FAM107A: variants seen among roughly 807,000 people sequenced by gnomAD.
FAM107A encodes the protein family with sequence similarity 107 member A.
In FAM107A, 19 loss-of-function variants were observed where a neutral mutation model predicts 13.7. That is an observed-to-expected ratio of 1.38 (90% CI 0.97 to 2.03). The LOEUF is 2.03. FAM107A is among the 30% of genes most tolerant of loss of function. FAM107A has a pLI of 0.00. For synonymous variants in FAM107A, 82 were observed against 74.5 expected (o/e 1.10, Z -0.52); for missense variants, 203 against 184.4 (o/e 1.10, Z -0.58).
upstream of FAM107A, among the ~76,000 whole-genome samples, chr3:58,578,138 C>T (rs1373155884): frequency 6.6e-6 from 1 of 152,312 alleles, no homozygotes; most frequent in East Asian, 1.9e-4. Context: ...ATAGTCAAAG[C>T]TCAGCATATA....
intron 1 of FAM107A, among the ~76,000 whole-genome samples, chr3:58,610,629 C>A (rs1228451548): frequency 6.6e-6 from 1 of 152,204 alleles, no homozygotes; most frequent in African/African-American, 2.4e-5. Flanking sequence ...AAGCTGCTTG[C>A]ATAGGTGGTG....
chr3:58,569,718 T>C lies in FAM107A; in HGVS notation c.143A>G (p.His48Arg). Reference sequence around the variant, plus strand: ...TCTGTGGTTCATGAGCAGCTCCCGGTGGAGCTCCTGGTGACTCCGAGAGGC... The same window carrying C: ...TCTGTGGTTCATGAGCAGCTCCCGGCGGAGCTCCTGGTGACTCCGAGAGGC... The part of the protein sequence containing the change: ...VKASRSHQEL[H>R]RELLMNHRRG... Residue 48 changes from histidine to arginine, a missense_variant, in exon 2 of 4, where the codon CAC (histidine) becomes CGC (arginine). Physicochemically the swap from His to Arg is conservative, Grantham distance 29. Transcript: ENST00000360997. This position sits in a 1 kb window ranked among gnomAD's most constrained non-coding sequence, Gnocchi z 5.7. 1 of 1,613,768 alleles carries C rather than the reference T, an allele frequency of 6.2e-7. No individual in the cohort carries two copies. Among genetic ancestry groups the C allele is most frequent in the Non-Finnish European group, 8.5e-7 (1 of 1,179,788 alleles).
intron 1 of FAM107A, among the ~76,000 whole-genome samples, chr3:58,616,836 C>T (rs1051534993): frequency 2.6e-5 from 4 of 152,058 alleles, no homozygotes; most frequent in Non-Finnish European, 4.4e-5. Flanking sequence ...TGCAGTGGCA[C>T]GATCTCGGCT....
At position 58,567,300 on chromosome 3, in the gene FAM107A, G is replaced by C. The variant is rs922101532; in HGVS notation, c.235C>G (p.Leu79Val). Residue 79 changes from leucine (L) to valine (V), a missense_variant, in exon 3 of 4, where the codon CTC (leucine) becomes GTC (valine). Physicochemically the swap from Leu to Val is conservative, Grantham distance 32. Transcript: ENST00000360997. The part of the protein sequence containing the change: ...RVLEHRRRNQ[L>V]IKKKKEELEA... ...AGCTCCTCCTTCTTCTTCTTGATGA[G>C]CTGGTTCCGCCGGCGGTGCTCTAGG... 3 of 1,613,286 alleles carry C rather than the reference G, an allele frequency of 1.9e-6. No homozygotes were observed. Among genetic ancestry groups the C allele is most frequent in the Non-Finnish European group, 2.5e-6 (3 of 1,179,810 alleles).
intron 1 of FAM107A, among the ~76,000 whole-genome samples, chr3:58,576,332 G>A (rs1189719779): frequency 6.6e-6 from 1 of 152,240 alleles, no homozygotes; most frequent in African/African-American, 2.4e-5. Context: ...CAATTAAATA[G>A]CAGAGTCCAG....
At chr3:58,567,446 C>G in intron 2 of FAM107A, 82 bp from the exon 3 acceptor site, 1 of 1,423,952 alleles carries the variant, frequency 7.0e-7, no homozygotes, top group Non-Finnish European at 9.5e-7. Flanking sequence ...TGCGGTGACA[C>G]CAACCCCCAT....
At chr3:58,618,197 A>C (rs1284246351) in intron 1 of FAM107A, among the ~76,000 whole-genome samples, 1 of 152,208 alleles carries the variant, frequency 6.6e-6, no homozygotes, top group Admixed American at 6.5e-5. Context: ...AGGTTTCTGT[A>C]AGGCCTTGGC....
At chr3:58,627,099 AGG>A in intron 1 of FAM107A, 3 of 1,136,802 alleles carry the variant, frequency 2.6e-6, no homozygotes, top group Non-Finnish European at 3.8e-6. Context: ...TCCCGGGGCG[AGG>A]GCCCCCTGTC....
chr3:58,582,468 C>A (rs1241125753), upstream of FAM107A, among the ~76,000 whole-genome samples: 1 of 52,416 alleles, frequency 1.9e-5, no homozygotes, highest in African/African-American at 4.8e-5. Context: ...AGGTAGGATG[C>A]AGGTTAACGC....
intron 1 of FAM107A, among the ~76,000 whole-genome samples, chr3:58,605,288 C>T (rs1412516979): frequency 6.6e-6 from 1 of 152,220 alleles, no homozygotes; most frequent in African/African-American, 2.4e-5. Flanking sequence ...TGGTAAGTCT[C>T]AGATAGTCTG....
upstream of FAM107A, among the ~76,000 whole-genome samples, chr3:58,582,153 C>T (rs2065555514): frequency 6.6e-6 from 1 of 152,236 alleles, no homozygotes; most frequent in African/African-American, 2.4e-5. Flanking sequence ...AAATGTCACA[C>T]ATCGAAGTTA....
chr3:58,626,077 G>A (rs34708080), intron 1 of FAM107A, among the ~76,000 whole-genome samples: 6 of 152,164 alleles, frequency 3.9e-5, no homozygotes, highest in African/African-American at 1.2e-4. Context: ...CGCCACGGTA[G>A]GTGGGTGGTG....
At chr3:58,603,101 T>C (rs1001308090) in intron 1 of FAM107A, among the ~76,000 whole-genome samples, 3 of 152,234 alleles carry the variant, frequency 2.0e-5, no homozygotes, top group African/African-American at 7.2e-5. Flanking sequence ...GTTTTATAAT[T>C]AGAGAAATGC....
chr3:58,583,660 C>A (rs940851949), intron 1 of FAM107A, among the ~76,000 whole-genome samples: 8 of 151,780 alleles, frequency 5.3e-5, no homozygotes, highest in South Asian at 2.1e-4. Context: ...TTGGGATAAA[C>A]GTTTTTCTTT....
chr3:58,578,975 T>C (rs911797893), upstream of FAM107A, among the ~76,000 whole-genome samples: 2 of 152,212 alleles, frequency 1.3e-5, no homozygotes, highest in African/African-American at 4.8e-5. Context: ...GGGGGTACCA[T>C]GTGAATGACA....
chr3:58,624,235 C>T (rs1225524518), intron 1 of FAM107A, among the ~76,000 whole-genome samples: 1 of 152,180 alleles, frequency 6.6e-6, no homozygotes, highest in Non-Finnish European at 1.5e-5. Context: ...TGGAATGTTC[C>T]AAACAGTGTT....
chr3:58,580,330 C>T (rs1444189), upstream of FAM107A, among the ~76,000 whole-genome samples: 111,889 of 150,066 alleles, frequency 0.75, 43,061 homozygotes, highest in East Asian at 1. Flanking sequence ...ATCTCAAATA[C>T]TATTACTAGA....
rs969423440 is a variant in FAM107A, at chr3:58,617,169, C to T, written c.-70+10247G>A. ...TGTGATGGCAGAGTCAGCATGGGAC[C>T]TTCACAGACGCTGGCCGGTTCAGGG... On this transcript the variant is annotated intron_variant, in intron 1 of 3. Coordinates refer to the FAM107A transcript ENST00000465970. The surrounding 1 kb of genome is among the most constrained non-coding windows in gnomAD (Gnocchi z 4.5). Among the ~76,000 whole-genome samples the T allele has an allele frequency of 6.6e-6, 1 of 152,206 alleles. No individual in the cohort carries two copies. The highest frequency in any genetic ancestry group is 1.5e-5 in the Non-Finnish European group (1 of 68,040).
intron 2 of FAM107A, 138 bp from the exon 3 acceptor site, chr3:58,567,502 T>C: frequency 1.1e-6 from 1 of 939,912 alleles, no homozygotes. Context: ...GTGGACCCAT[T>C]ACTGTCCCAT....
Sources: allele counts gnomAD v4.1 joint callset (sites outside exome capture counted in the v4.1 genomes callset), GRCh38; gene constraint gnomAD v4.1.1; non-coding constraint Gnocchi (gnomAD v3.1); transcripts MANE v1.5; gene names NCBI Gene and HGNC (gene_info 2026-07-23, HGNC 2026-07-21).